The following NUBPL variants were observed in gnomAD, a reference collection of about 807,000 sequenced individuals.
NUBPL encodes the protein NUBP iron-sulfur cluster assembly factor, mitochondrial, also known as iron-sulfur cluster transfer protein NUBPL.
NUBPL carries 31 observed loss-of-function variants against 45.7 expected under a neutral mutation model. That is an observed-to-expected ratio of 0.68 (90% CI 0.51 to 0.92). The LOEUF is 0.92. Ranked by LOEUF, NUBPL falls within the 40% of genes least tolerant of loss-of-function variation. NUBPL has a pLI of 0.00. For missense variants in NUBPL, 401 were observed against 398.7 expected (o/e 1.01, Z -0.05); for synonymous variants, 144 against 140.9 (o/e 1.02, Z -0.15).
chr14:31,631,095 G>C (rs1483401945), intron 4 of NUBPL, among the ~76,000 whole-genome samples: 1 of 152,090 alleles, frequency 6.6e-6, no homozygotes, highest in Non-Finnish European at 1.5e-5. Context: ...CTGTCTCCAG[G>C]ACAATAAACT....
intron 3 of NUBPL, among the ~76,000 whole-genome samples, chr14:31,576,051 A>G (rs2033709046): frequency 6.6e-6 from 1 of 152,218 alleles, no homozygotes; most frequent in Admixed American, 6.5e-5. Flanking sequence ...ATAAAGCAAA[A>G]CTGTTTACTA....
chr14:31,800,344 A>G (rs2039563075), intron 7 of NUBPL, among the ~76,000 whole-genome samples: 1 of 152,218 alleles, frequency 6.6e-6, no homozygotes, highest in Non-Finnish European at 1.5e-5. Flanking sequence ...ATACAACATA[A>G]TATCGATTAG....
At position 31,749,148 on chromosome 14, in the gene NUBPL, T is replaced by C. The variant is rs12100935; in HGVS notation, c.514-38632T>C. Among the ~76,000 whole-genome samples the C allele has an allele frequency of 4.0e-3, 607 of 152,346 alleles. 2 individuals carry two copies. The highest frequency in any genetic ancestry group is 0.014 in the African/African-American group (578 of 41,578). On this transcript the variant is annotated intron_variant, in intron 6 of 10. Coordinates refer to ENST00000281081, the MANE Select transcript of NUBPL (RefSeq NM_025152.3). Reference sequence around the variant, plus strand: ...GATTATTGATGATACATTGAGGACTTACTCCTGTTATATTATTGATTGTTT... The same window carrying C: ...GATTATTGATGATACATTGAGGACTCACTCCTGTTATATTATTGATTGTTT...
At chr14:31,652,970 A>T (rs1428865474) in intron 4 of NUBPL, among the ~76,000 whole-genome samples, 1 of 152,212 alleles carries the variant, frequency 6.6e-6, no homozygotes, top group South Asian at 2.1e-4. Flanking sequence ...ATCACGTATC[A>T]GTAGGACTGT....
intron 4 of NUBPL, among the ~76,000 whole-genome samples, chr14:31,618,408 A>G (rs1336768663): frequency 6.6e-6 from 1 of 152,148 alleles, no homozygotes; most frequent in East Asian, 1.9e-4. Flanking sequence ...TCTTTTGGGC[A>G]TTTAGTGCCA....
intron 6 of NUBPL, among the ~76,000 whole-genome samples, chr14:31,712,926 A>G (rs965233910): frequency 6.6e-6 from 1 of 152,074 alleles, no homozygotes; most frequent in South Asian, 2.1e-4. Context: ...AGGGGTAAGG[A>G]AGAGGAACTG....
At chr14:31,645,154 C>T (rs566883802) in intron 4 of NUBPL, among the ~76,000 whole-genome samples, 1 of 151,730 alleles carries the variant, frequency 6.6e-6, no homozygotes, top group East Asian at 1.9e-4. Flanking sequence ...CAAGCTCCGC[C>T]TCCCGGGTTC....
chr14:31,827,725 T>C (rs891361521), intron 8 of NUBPL, among the ~76,000 whole-genome samples: 3 of 152,204 alleles, frequency 2.0e-5, no homozygotes, highest in Non-Finnish European at 4.4e-5. Context: ...CAGCCCTAAA[T>C]TGTATGCCTA....
rs546999014 is a variant in NUBPL, at chr14:31,807,328, G to A, written c.608-19301G>A. On this transcript the variant is annotated intron_variant, in intron 7 of 10. Coordinates refer to ENST00000281081, the MANE Select transcript of NUBPL (RefSeq NM_025152.3). Reference sequence around the variant, plus strand: ...TGATTGCCATTCTAACTGGTGTGAGGTGGTATCTCATTGTGGTTTTGATTT... The same window carrying A: ...TGATTGCCATTCTAACTGGTGTGAGATGGTATCTCATTGTGGTTTTGATTT... Among the ~76,000 whole-genome samples the A allele has an allele frequency of 2.7e-3, 415 of 151,908 alleles. 6 individuals are homozygous for A. Among genetic ancestry groups the A allele is most frequent in the African/African-American group, 8.8e-3 (363 of 41,244 alleles).
At chr14:31,734,727 G>A (rs1334616143) in intron 6 of NUBPL, among the ~76,000 whole-genome samples, 4 of 147,230 alleles carry the variant, frequency 2.7e-5, no homozygotes, top group Admixed American at 1.4e-4. Context: ...AATAAATATT[G>A]TATAGTATTT....
chr14:31,640,248 T>G (rs1241424105), intron 4 of NUBPL, among the ~76,000 whole-genome samples: 5 of 152,090 alleles, frequency 3.3e-5, no homozygotes, highest in Admixed American at 3.3e-4. Flanking sequence ...ACAAAATCAG[T>G]TCTTTACACT....
intron 3 of NUBPL, chr14:31,577,972 G>A (rs1191036302): frequency 2.0e-5 from 26 of 1,289,104 alleles, no homozygotes; most frequent in East Asian, 1.1e-4. Context: ...CGGGGACTGC[G>A]TCTTAAATCA....
At chr14:31,604,928 GA>G (rs554279860) in intron 4 of NUBPL, among the ~76,000 whole-genome samples, 3 of 152,244 alleles carry the variant, frequency 2.0e-5, no homozygotes, top group South Asian at 4.1e-4. Context: ...TATGGTAGTG[GA>G]AAATCTAGCC....
chr14:31,822,680 T>C (rs1264011722), intron 7 of NUBPL, among the ~76,000 whole-genome samples: 3 of 152,098 alleles, frequency 2.0e-5, no homozygotes, highest in Non-Finnish European at 4.4e-5. Context: ...AAATACCCCA[T>C]ATATTTCTAC....
chr14:31,800,100 T>C (rs1051077949), intron 7 of NUBPL, among the ~76,000 whole-genome samples: 5 of 137,316 alleles, frequency 3.6e-5, no homozygotes, highest in Admixed American at 2.3e-4. Context: ...TCCTTATCTG[T>C]TCAGGTTTGA....
At chr14:31,627,932 ATAAC>A (rs1157489682) in intron 4 of NUBPL, among the ~76,000 whole-genome samples, 3 of 152,214 alleles carry the variant, frequency 2.0e-5, no homozygotes, top group African/African-American at 4.8e-5. Context: ...TTAATGAAAA[ATAAC>A]TATTTTCTGA....
chr14:31,731,070 CA>C (rs1344747451), intron 6 of NUBPL, among the ~76,000 whole-genome samples: 3 of 151,710 alleles, frequency 2.0e-5, no homozygotes, highest in Admixed American at 6.6e-5. Context: ...GAAATAAGGC[CA>C]AAAATAAAAA....
intron 3 of NUBPL, among the ~76,000 whole-genome samples, chr14:31,592,136 A>C (rs910152553): frequency 6.6e-6 from 1 of 152,212 alleles, no homozygotes; most frequent in African/African-American, 2.4e-5. Context: ...CTGTGTGACT[A>C]TCTGAGGGAA....
chr14:31,779,068 G>A (rs1263189522), intron 6 of NUBPL, among the ~76,000 whole-genome samples: 5 of 152,144 alleles, frequency 3.3e-5, no homozygotes, highest in Non-Finnish European at 5.9e-5. Context: ...TGGGTCAGGC[G>A]TGGTGGCTCA....
Sources: allele counts gnomAD v4.1 joint callset (sites outside exome capture counted in the v4.1 genomes callset), GRCh38; gene constraint gnomAD v4.1.1; transcripts MANE v1.5; gene names NCBI Gene and HGNC (gene_info 2026-07-23, HGNC 2026-07-21).